The following REEP3 variants were observed in gnomAD, a reference collection of about 807,000 sequenced individuals.
REEP3 encodes receptor accessory protein 3, also known as receptor expression-enhancing protein 3.
Under a neutral mutation model 41.3 loss-of-function variants are expected in REEP3, and 20 were observed. The ratio of observed to expected loss-of-function variants is 0.48; its 90% CI spans 0.34 to 0.70. The LOEUF is 0.70. Among genes scored for constraint, REEP3 ranks in the 30% least tolerant of loss-of-function variants. The pLI, the probability that REEP3 is intolerant of heterozygous loss-of-function variation, is 0.01. For missense variants in REEP3, 271 were observed against 308.8 expected, an observed-to-expected ratio of 0.88 and a Z score of 0.92; for synonymous variants, 104 against 101.8, an observed-to-expected ratio of 1.02 and a Z score of -0.13.
chr10:63,540,086 A>G (rs1955515252), intron 1 of REEP3, among the ~76,000 whole-genome samples: 1 of 152,242 alleles, frequency 6.6e-6, no homozygotes. Context: ...TCTGAAGCTT[A>G]ACAGTAAGCA....
Position 63,599,206 on chromosome 10 carries a change from G to A in REEP3, c.340G>A (p.Gly114Ser), listed in dbSNP as rs765477411. The A allele has an allele frequency of 1.9e-6, 3 of 1,592,598 alleles. No individual in the cohort carries two copies. The highest frequency in any genetic ancestry group is 2.6e-6 in the Non-Finnish European group (3 of 1,171,866). Residue 114 changes from glycine to serine, a missense_variant, in exon 5 of 8, where the codon GGC (glycine) becomes AGC (serine). Coordinates refer to ENST00000373758, the MANE Select transcript of REEP3 (RefSeq NM_001001330.3). Reference protein sequence around the residue: ...DDYIVQAKERGYETMVNFGRQ... With the variant: ...DDYIVQAKERSYETMVNFGRQ... The stretch of plus-strand genomic sequence containing the variant: ...TTATATTGTACAAGCAAAGGAACGA[G>A]GCTATGAAACCATGGTAAACTTTGG...
intron 5 of REEP3, among the ~76,000 whole-genome samples, chr10:63,602,036 C>G (rs1297900681): frequency 2.0e-5 from 3 of 151,908 alleles, no homozygotes; most frequent in Non-Finnish European, 2.9e-5. Flanking sequence ...GCCCATGTAG[C>G]TGCACATGAT....
At chr10:63,549,742 G>A (rs1177039989) in intron 1 of REEP3, among the ~76,000 whole-genome samples, 2 of 152,166 alleles carry the variant, frequency 1.3e-5, no homozygotes, top group African/African-American at 2.4e-5. Context: ...TTAAGTAAAT[G>A]TTTCTCATTG....
intron 1 of REEP3, among the ~76,000 whole-genome samples, chr10:63,557,837 G>A (rs1955703668): frequency 6.6e-6 from 1 of 152,168 alleles, no homozygotes; most frequent in African/African-American, 2.4e-5. Flanking sequence ...CAGTTCTGAG[G>A]ACCACAAGTG....
In REEP3 at chr10:63,547,163, G is replaced by A. The variant is rs531352312; in HGVS notation, c.33-19175G>A. 5.9e-5 allele frequency among the ~76,000 whole-genome samples: 9 copies of A among 151,688 alleles called. No individual in the cohort carries two copies. The East Asian group carries it at 1.8e-3, about 29-fold the overall frequency. ...TCTCAAACTCCTGACCTCGTGATCT[G>A]CCTGCCTCAGCCTCCCAAAGTGCTG... is the stretch of plus-strand genomic sequence containing the variant. On this transcript the variant is annotated intron_variant, in intron 1 of 7. Transcript: ENST00000373758.
chr10:63,539,454 A>G (rs1955506313), intron 1 of REEP3, among the ~76,000 whole-genome samples: 1 of 152,194 alleles, frequency 6.6e-6, no homozygotes, highest in Non-Finnish European at 1.5e-5. Flanking sequence ...TTTGAGAAAC[A>G]TGGTTGATAG....
chr10:63,566,136 G>A lies in REEP3; in HGVS notation c.33-202G>A, dbSNP rs1178079278. Among the ~76,000 whole-genome samples the A allele has an allele frequency of 3.3e-5, 5 of 152,072 alleles. No individual in the cohort carries two copies. In the South Asian group the frequency reaches 6.2e-4, roughly 19 times the overall value. On this transcript the variant is annotated intron_variant, in intron 1 of 7. Coordinates refer to ENST00000373758, the MANE Select transcript of REEP3 (RefSeq NM_001001330.3). ...CCTGACCTCGTGATCCACCTGCCTC[G>A]ACCTCCCAAAGTGCTGGGATTACAG...
intron 1 of REEP3, among the ~76,000 whole-genome samples, chr10:63,557,091 A>G (rs988492431): frequency 6.6e-6 from 1 of 152,180 alleles, no homozygotes; most frequent in Non-Finnish European, 1.5e-5. Context: ...GCTAAAACCC[A>G]TGTAGGCAGT....
intron 1 of REEP3, among the ~76,000 whole-genome samples, chr10:63,525,889 G>A (rs560042752): frequency 1.3e-5 from 2 of 152,194 alleles, no homozygotes; most frequent in South Asian, 4.1e-4. Context: ...ATAAAAGCCA[G>A]ATTGCCAAAT....
chr10:63,615,091 A>T (rs1239316797), intron 6 of REEP3, among the ~76,000 whole-genome samples: 1 of 152,172 alleles, frequency 6.6e-6, no homozygotes, highest in Admixed American at 6.5e-5. Flanking sequence ...GAAAAAAAAT[A>T]ATAAGTAGAT....
At chr10:63,540,042 A>G (rs1045218004) in intron 1 of REEP3, among the ~76,000 whole-genome samples, 1 of 152,258 alleles carries the variant, frequency 6.6e-6, no homozygotes, top group African/African-American at 2.4e-5. Flanking sequence ...ACTTTATGAT[A>G]TTAAAACAAG....
chr10:63,521,596 G>T lies in REEP3; in HGVS notation c.32+19G>T. On this transcript the variant is annotated intron_variant, in intron 1 of 7. Transcript: ENST00000373758. Reference sequence around the variant, plus strand: ...CCGTGGTGTAAGTGCCTCTCACTGCGCCCTGCAGCCGGCGCGAGGCCCAGG... The same window carrying T: ...CCGTGGTGTAAGTGCCTCTCACTGCTCCCTGCAGCCGGCGCGAGGCCCAGG... The T allele has an allele frequency of 7.1e-7, 1 of 1,399,684 alleles. No individual in the cohort carries two copies. Among genetic ancestry groups the T allele is most frequent in the Non-Finnish European group, 9.4e-7 (1 of 1,062,744 alleles). 86.7% of individuals were successfully genotyped at this position (1,399,684 alleles called of 1,614,324 possible). A position where few individuals can be genotyped will look rare whatever the true frequency, so the allele number is the denominator to read the frequency against.
chr10:63,526,346 A>G (rs1311042809), intron 1 of REEP3, among the ~76,000 whole-genome samples: 1 of 152,066 alleles, frequency 6.6e-6, no homozygotes, highest in Non-Finnish European at 1.5e-5. Flanking sequence ...CATTATTATA[A>G]GTAATGCTGA....
At chr10:63,596,882 A>G (rs1486536750) in intron 3 of REEP3, among the ~76,000 whole-genome samples, 1 of 152,082 alleles carries the variant, frequency 6.6e-6, no homozygotes, top group African/African-American at 2.4e-5. Context: ...GGCTGAAGCA[A>G]TCCTCCCAGT....
In REEP3 at chr10:63,558,296, A is replaced by G. The variant is rs530881772; in HGVS notation, c.33-8042A>G. 4.6e-5 allele frequency among the ~76,000 whole-genome samples: 7 copies of G among 152,338 alleles called. No individual in the cohort carries two copies. The South Asian group carries it at 1.5e-3, about 32-fold the overall frequency. ...CGTGAGGTTATGGTGCTGTGTTGAC[A>G]AGAATTCTGAGACCAGGGTCAGCAG... is the stretch of plus-strand genomic sequence containing the variant. On this transcript the variant is annotated intron_variant, in intron 1 of 7. Coordinates refer to ENST00000373758, the MANE Select transcript of REEP3 (RefSeq NM_001001330.3).
At chr10:63,584,538 G>GA (rs1240124460) in intron 2 of REEP3, among the ~76,000 whole-genome samples, 6 of 151,238 alleles carry the variant, frequency 4.0e-5, no homozygotes, top group South Asian at 2.1e-4. Context: ...ACAGCTCTGA[G>GA]AAAAAATCCC....
intron 2 of REEP3, among the ~76,000 whole-genome samples, chr10:63,580,319 A>G (rs1394049366): frequency 2.0e-5 from 3 of 152,170 alleles, no homozygotes; most frequent in East Asian, 3.9e-4. Flanking sequence ...AATTTTTTCT[A>G]GAGACGGGGG....
In REEP3 at chr10:63,610,243, T is replaced by G. The variant is rs1477892394; in HGVS notation, c.474T>G (p.Thr158=). ...LRSFSMHDLT[T]IQGDEPVGQR... ...GCTTCAGTATGCATGATTTAACAACTATCCAAGGTGATGAGCCTGTGGGAC... is the reference window on the plus strand; with the variant it reads ...GCTTCAGTATGCATGATTTAACAACGATCCAAGGTGATGAGCCTGTGGGAC... The change falls in exon 6 of 8, where the codon ACT becomes ACG. Residue 158 remains threonine, a synonymous_variant. Coordinates refer to ENST00000373758, the MANE Select transcript of REEP3 (RefSeq NM_001001330.3). 1 of 1,603,988 alleles carries G rather than the reference T, an allele frequency of 6.2e-7. No individual in the cohort carries two copies. The highest frequency in any genetic ancestry group is 2.2e-5 in the East Asian group (1 of 44,780).
At position 63,529,831 on chromosome 10, in the gene REEP3, T is replaced by C. The variant is rs1589855610; in HGVS notation, c.32+8254T>C. On this transcript the variant is annotated intron_variant, in intron 1 of 7. Transcript: ENST00000373758. ...TTTGCTCTTGTTGCCCAGGCTGGAGTGCAATGGCGCAATCTCGGCTCAATG... is the reference window on the plus strand; with the variant it reads ...TTTGCTCTTGTTGCCCAGGCTGGAGCGCAATGGCGCAATCTCGGCTCAATG... Among the ~76,000 whole-genome samples, 3 of 149,640 alleles carry C rather than the reference T, an allele frequency of 2.0e-5. No individual in the cohort carries two copies. The Admixed American group carries it at 2.0e-4, about 10-fold the overall frequency.
Sources: gnomAD v4.1 joint callset for allele counts (sites outside exome capture counted in the v4.1 genomes callset) on GRCh38, gnomAD v4.1.1 for gene constraint, MANE v1.5 for transcripts, NCBI Gene and HGNC (gene_info 2026-07-23, HGNC 2026-07-21) for gene names.